Variants in ARID4A observed in about 807,000 individuals in gnomAD.
ARID4A encodes the protein AT-rich interaction domain 4A.
Under a neutral mutation model 148.6 loss-of-function variants are expected in ARID4A, and 39 were observed. The ratio of observed to expected loss-of-function variants is 0.26; its 90% CI spans 0.20 to 0.34. The LOEUF (loss-of-function observed/expected upper bound fraction) is 0.34. Ranked by LOEUF, ARID4A falls within the 10% of genes least tolerant of loss-of-function variation. ARID4A has a pLI of 1.00. For missense variants in ARID4A, 1,265 were observed against 1,449.1 expected, an observed-to-expected ratio of 0.87 and a Z score of 2.06; for synonymous variants, 475 against 481.2, an observed-to-expected ratio of 0.99 and a Z score of 0.17.
intron 19 of ARID4A, among the ~76,000 whole-genome samples, chr14:58,362,768 C>T (rs1021896620): frequency 8.5e-5 from 13 of 152,188 alleles, no homozygotes; most frequent in South Asian, 8.3e-4. Context: ...ATGTTAGCCA[C>T]GCTGGTCTCG....
Position 58,371,982 on chromosome 14 carries a change from G to A in ARID4A, c.3767G>A (p.Cys1256Tyr), listed in dbSNP as rs897203665. 3 of 1,603,848 alleles carry A rather than the reference G, an allele frequency of 1.9e-6. No individual in the cohort carries two copies. The African/African-American group carries it at 4.0e-5, about 21-fold the overall frequency. The change falls in exon 24 of 24, where the codon TGC (cysteine) becomes TAC (tyrosine). Residue 1256 changes from cysteine to tyrosine, a missense_variant. Cys to Tyr is a radical substitution (Grantham distance 194, BLOSUM62 -2). Transcript: ENST00000355431. ...SPPQNVLAVE[C>Y]R ...CCACAAAATGTACTTGCTGTAGAAT[G>A]CAGGTGATAAACATTTTCTCTACCT...
At chr14:58,332,258 A>T (rs2033573460) in intron 11 of ARID4A, among the ~76,000 whole-genome samples, 1 of 152,126 alleles carries the variant, frequency 6.6e-6, no homozygotes, top group Non-Finnish European at 1.5e-5. Context: ...GCTTACAAGG[A>T]TAGTATCTTA....
chr14:58,321,966 G>T (rs1265769499), intron 7 of ARID4A, among the ~76,000 whole-genome samples: 3 of 150,850 alleles, frequency 2.0e-5, no homozygotes, highest in Admixed American at 6.6e-5. Flanking sequence ...GTTTTTTTTG[G>T]TTTTTTGTTT....
At chr14:58,299,912 C>G (rs760443704) in intron 2 of ARID4A, 52 bp downstream of exon 2, 1 of 1,610,778 alleles carries the variant, frequency 6.2e-7, no homozygotes, top group Non-Finnish European at 8.5e-7. Flanking sequence ...ACTGCCAATC[C>G]TAAGGCTAGT....
Position 58,364,296 on chromosome 14 carries a change from A to G in ARID4A, c.2207A>G (p.Asn736Ser), listed in dbSNP as rs745688835. The G allele has an allele frequency of 1.3e-6, 2 of 1,562,590 alleles. No individual in the cohort carries two copies. The highest frequency in any genetic ancestry group is 1.7e-6 in the Non-Finnish European group (2 of 1,164,742). ...NLNDDKLDEENPKISAHILKE... is the reference protein window; with the variant it reads ...NLNDDKLDEESPKISAHILKE... The stretch of plus-strand genomic sequence containing the variant: ...AATGATGATAAGCTAGATGAAGAAA[A>G]TCCAAAGATTTCTGCACATATATTA... Residue 736 changes from asparagine (N) to serine (S), a missense_variant, in exon 20 of 24, where the codon AAT becomes AGT. Physicochemically the swap from Asn to Ser is conservative, Grantham distance 46 (BLOSUM62 1). Coordinates refer to ENST00000355431, the MANE Select transcript of ARID4A (RefSeq NM_002892.4).
chr14:58,367,608 A>T (rs1296597502), intron 23 of ARID4A, among the ~76,000 whole-genome samples: 2 of 152,224 alleles, frequency 1.3e-5, no homozygotes, highest in African/African-American at 4.8e-5. Flanking sequence ...TACAAGAGTT[A>T]GTGGAAGGAG....
At chr14:58,317,624 CTTTTTTTTTTTTTTTT>C (rs71107933) in intron 5 of ARID4A, among the ~76,000 whole-genome samples, 1 of 69,888 alleles carries the variant, frequency 1.4e-5, no homozygotes, top group Non-Finnish European at 2.4e-5. Context: ...TTATATTTGT[CTTTTTTTTTTTTTTTT>C]TTTTTTTTGA....
intron 11 of ARID4A, among the ~76,000 whole-genome samples, chr14:58,335,258 A>G (rs2033750981): frequency 6.6e-6 from 1 of 152,116 alleles, no homozygotes; most frequent in Non-Finnish European, 1.5e-5. Context: ...ATGTACATCA[A>G]AGATGTCTCT....
chr14:58,305,595 A>G (rs1034244988), intron 4 of ARID4A, among the ~76,000 whole-genome samples: 130 of 152,286 alleles, frequency 8.5e-4, no homozygotes, highest in African/African-American at 3.0e-3. Context: ...CTTAAATACA[A>G]ATGCTGAATC....
At chr14:58,332,987 C>G (rs1282093416) in intron 11 of ARID4A, among the ~76,000 whole-genome samples, 1 of 152,040 alleles carries the variant, frequency 6.6e-6, no homozygotes, top group African/African-American at 2.4e-5. Context: ...CTTTGGGTAT[C>G]TTAACTAGCC....
chr14:58,320,572 G>T (rs1187715176), intron 7 of ARID4A, among the ~76,000 whole-genome samples: 2 of 143,362 alleles, frequency 1.4e-5, no homozygotes, highest in Non-Finnish European at 1.5e-5. Context: ...AAAAAATTCT[G>T]TAGCCTTTTT....
At chr14:58,365,386 T>C (rs1432112640) in intron 20 of ARID4A, 86 bp downstream of exon 20, 1 of 1,464,276 alleles carries the variant, frequency 6.8e-7, no homozygotes, top group Non-Finnish European at 9.2e-7. Flanking sequence ...ATCTGTAAAG[T>C]ACTTTCTTTT....
At chr14:58,357,403 T>C (rs1003794045) in intron 17 of ARID4A, among the ~76,000 whole-genome samples, 7 of 152,186 alleles carry the variant, frequency 4.6e-5, no homozygotes, top group African/African-American at 1.7e-4. Context: ...AGGAACCATG[T>C]CCTTACTTTG....
chr14:58,370,811 A>G (rs1035623386), intron 23 of ARID4A, among the ~76,000 whole-genome samples: 1 of 151,890 alleles, frequency 6.6e-6, no homozygotes. Flanking sequence ...TATTCTCACT[A>G]TGTGGCTCAG....
rs771886772 is a variant in ARID4A at position 58,353,784 on chromosome 14, C to T, written c.1782C>T (p.Ala594=). The T allele has an allele frequency of 1.2e-6, 2 of 1,613,894 alleles. No homozygotes were observed. Among genetic ancestry groups the T allele is most frequent in the Admixed American group, 3.3e-5 (2 of 60,016 alleles). The change falls in exon 17 of 24, where the codon GCC becomes GCT. Residue 594 remains alanine (A), a synonymous_variant. Transcript: ENST00000355431. ...GRGKTQKIYE[A]SIKSTEIDDG... is the part of the protein sequence containing the mutation. ...GGAAGACTCAGAAAATTTATGAAGC[C>T]AGTATTAAAAGCACTGAAATTGATG...
At position 58,360,938 on chromosome 14, in the gene ARID4A, A is replaced by G; in HGVS notation, c.1976A>G (p.Glu659Gly). 1 of 1,614,182 alleles carries G rather than the reference A, an allele frequency of 6.2e-7. No homozygotes were observed. The highest frequency in any genetic ancestry group is 8.5e-7 in the Non-Finnish European group (1 of 1,180,024). Residue 659 changes from glutamate to glycine, a missense_variant, in exon 19 of 24, where the codon GAG becomes GGG. By Grantham distance (98) the Glu-to-Gly change is moderately conservative (BLOSUM62 -2). This residue lies in a region of ARID4A where 666 missense variants were observed against 730.9 expected (regional missense o/e 0.91). Transcript: ENST00000355431. Reference sequence around the variant, plus strand: ...AGTGAAAAGGACGAAAAGAGAGATGAGGAGAGGCAGAAGTCAAAACGGGGA... The same window carrying G: ...AGTGAAAAGGACGAAAAGAGAGATGGGGAGAGGCAGAAGTCAAAACGGGGA... ...EDSEKDEKRD[E>G]ERQKSKRGRP...
chr14:58,302,185 C>T (rs538759824), intron 3 of ARID4A, among the ~76,000 whole-genome samples: 1 of 152,048 alleles, frequency 6.6e-6, no homozygotes, highest in East Asian at 1.9e-4. Context: ...TGGCGAAACC[C>T]TGTCTCTACT....
At chr14:58,300,213 G>A (rs950985503) in intron 2 of ARID4A, among the ~76,000 whole-genome samples, 3 of 152,074 alleles carry the variant, frequency 2.0e-5, no homozygotes, top group African/African-American at 7.2e-5. Context: ...TTCTTCCCGT[G>A]TGCCAATGCG....
At chr14:58,369,827 A>G (rs2035526058) in intron 23 of ARID4A, among the ~76,000 whole-genome samples, 1 of 152,098 alleles carries the variant, frequency 6.6e-6, no homozygotes, top group Non-Finnish European at 1.5e-5. Context: ...GTGATGGTGA[A>G]TGGAAGCTCT....
Sources: gnomAD v4.1 joint callset for allele counts (sites outside exome capture counted in the v4.1 genomes callset) on GRCh38, gnomAD v4.1.1 for gene constraint, gnomAD v4.1.1 regional missense constraint, MANE v1.5 for transcripts, NCBI Gene and HGNC (gene_info 2026-07-23, HGNC 2026-07-21) for gene names.